Variants in IQSEC1 observed in about 807,000 individuals in gnomAD.
IQSEC1 encodes IQ motif and Sec7 domain ArfGEF 1.
Under a neutral mutation model 91.0 loss-of-function variants are expected in IQSEC1, and 31 were observed. That is an observed-to-expected ratio of 0.34 (90% confidence interval 0.26 to 0.46). The LOEUF (loss-of-function observed/expected upper bound fraction) is 0.46, where lower values mean the gene tolerates loss of function less well. IQSEC1 is among the 20% of genes least tolerant of loss of function. The pLI, the probability that IQSEC1 is intolerant of heterozygous loss-of-function variation, is 1.00. For synonymous variants in IQSEC1, 699 were observed against 662.6 expected, an observed-to-expected ratio of 1.05 and a Z score of -0.84; for missense variants, 1,388 against 1,575.6, an observed-to-expected ratio of 0.88 and a Z score of 2.02.
At chr3:13,115,745 T>C (rs905492669) in intron 2 of IQSEC1, among the ~76,000 whole-genome samples, 3 of 152,216 alleles carry the variant, frequency 2.0e-5, no homozygotes, top group Admixed American at 6.5e-5. Context: ...GGGCGCTGAA[T>C]GCACGCTAGC....
chr3:13,278,834 TG>T (rs369219000), intron 1 of IQSEC1, among the ~76,000 whole-genome samples: 125 of 94,198 alleles, frequency 1.3e-3, no homozygotes, highest in African/African-American at 3.8e-3. Flanking sequence ...AGGGGCAGGG[TG>T]GGGGGGGACA....
chr3:13,169,981 G>T (rs565106691), intron 1 of IQSEC1, among the ~76,000 whole-genome samples: 1 of 152,234 alleles, frequency 6.6e-6, no homozygotes, highest in Non-Finnish European at 1.5e-5. Context: ...ATGAGAAGCC[G>T]AATGTTAATC....
chr3:13,252,830 T>A (rs1695220803), intron 1 of IQSEC1, among the ~76,000 whole-genome samples: 1 of 152,174 alleles, frequency 6.6e-6, no homozygotes, highest in African/African-American at 2.4e-5. Context: ...CTTCCCGGGT[T>A]CACGCCATTC....
chr3:13,081,027 T>C (rs1705640388), intron 2 of IQSEC1, among the ~76,000 whole-genome samples: 1 of 152,258 alleles, frequency 6.6e-6, no homozygotes, highest in African/African-American at 2.4e-5. Context: ...GCAAGGTTTC[T>C]GCATACAGTG....
intron 1 of IQSEC1, among the ~76,000 whole-genome samples, chr3:12,948,512 T>G (rs1433052612): frequency 1.3e-5 from 2 of 152,206 alleles, no homozygotes; most frequent in Admixed American, 1.3e-4. Context: ...AGCCCAGACC[T>G]GTTGGATGCC....
intron 2 of IQSEC1, among the ~76,000 whole-genome samples, chr3:13,120,080 C>T (rs567340554): frequency 1.2e-3 from 180 of 152,338 alleles, no homozygotes; most frequent in Non-Finnish European, 2.1e-3. Context: ...TCACCTGGCA[C>T]AGGGACACCT....
intron 3 of IQSEC1, among the ~76,000 whole-genome samples, chr3:12,934,640 C>T (rs891263093): frequency 2.6e-4 from 40 of 152,280 alleles, no homozygotes; most frequent in Admixed American, 2.4e-3. Context: ...GTGGAAATAA[C>T]GAGAAATCTC....
At chr3:13,026,444 A>G (rs574917487) in intron 1 of IQSEC1, among the ~76,000 whole-genome samples, 1 of 152,260 alleles carries the variant, frequency 6.6e-6, no homozygotes, top group South Asian at 2.1e-4. Context: ...TAGGAAGCCA[A>G]TTTTCCATTG....
chr3:12,920,350 C>T, intron 6 of IQSEC1, 80 bp downstream of exon 6: 1 of 1,464,302 alleles, frequency 6.8e-7, no homozygotes, highest in South Asian at 1.2e-5. Flanking sequence ...TTGCCTCACG[C>T]CCCTTACATC....
At chr3:13,196,135 A>C (rs1270914524) in intron 1 of IQSEC1, among the ~76,000 whole-genome samples, 1 of 152,054 alleles carries the variant, frequency 6.6e-6, no homozygotes, top group Non-Finnish European at 1.5e-5. Flanking sequence ...TCACGCTTTG[A>C]ACCCAGCCAC....
chr3:12,943,340 C>T (rs555029028), intron 1 of IQSEC1, among the ~76,000 whole-genome samples: 5 of 152,336 alleles, frequency 3.3e-5, no homozygotes, highest in East Asian at 1.9e-4. Flanking sequence ...CATCCCGACT[C>T]GGAACTCGCA....
At chr3:13,252,020 G>T (rs915216166) in intron 1 of IQSEC1, among the ~76,000 whole-genome samples, 2 of 152,120 alleles carry the variant, frequency 1.3e-5, no homozygotes, top group East Asian at 3.9e-4. Flanking sequence ...GTTTTTCCCC[G>T]ATTTTTTATT....
At chr3:13,254,663 C>G (rs1275420297) in intron 1 of IQSEC1, among the ~76,000 whole-genome samples, 1 of 152,248 alleles carries the variant, frequency 6.6e-6, no homozygotes, top group Non-Finnish European at 1.5e-5. Flanking sequence ...ACACAGCTCC[C>G]TGGCGCTTCC....
chr3:13,034,670 C>T (rs970467780), intron 1 of IQSEC1, among the ~76,000 whole-genome samples: 8 of 152,290 alleles, frequency 5.3e-5, no homozygotes, highest in Middle Eastern at 3.4e-3. Context: ...CTAAACCAGC[C>T]GGATTCAGCT....
At chr3:13,057,621 G>A (rs1704923549) in intron 1 of IQSEC1, among the ~76,000 whole-genome samples, 1 of 152,244 alleles carries the variant, frequency 6.6e-6, no homozygotes, top group Non-Finnish European at 1.5e-5. Flanking sequence ...GACAGGAGAA[G>A]CACCTGGCAC....
In IQSEC1 at chr3:12,901,536, T is replaced by G. The variant is rs1225594205; in HGVS notation, c.2806-14A>C. 2.6e-6 allele frequency: 4 copies of G among 1,537,608 alleles called. No individual in the cohort carries two copies. In the Admixed American group the frequency reaches 8.4e-5, roughly 32 times the overall value. On this transcript the variant is annotated splice_polypyrimidine_tract_variant and intron_variant, in intron 13 of 13. Transcript: ENST00000613206. Reference sequence around the variant, plus strand: ...AATGATGGACCCCTAAAAAGGAAATTCATAGAAATCAAAATTAAAAGATCT... The same window carrying G: ...AATGATGGACCCCTAAAAAGGAAATGCATAGAAATCAAAATTAAAAGATCT...
chr3:13,068,008 G>C lies in IQSEC1; in HGVS notation c.23+4984C>G, dbSNP rs539630871. Among the ~76,000 whole-genome samples, 27 of 152,344 alleles carry C rather than the reference G, an allele frequency of 1.8e-4. No individual in the cohort carries two copies. The East Asian group carries it at 3.5e-3, about 20-fold the overall frequency. On this transcript the variant is annotated intron_variant, in intron 1 of 13. Transcript: ENST00000613206. ...GAGCTTGGGGCCCAGCCTGCTTGCT[G>C]GCCCGCAGGCAAACCCTGGAAGGGG...
chr3:13,021,433 C>A (rs1344214528), intron 1 of IQSEC1, among the ~76,000 whole-genome samples: 1 of 152,210 alleles, frequency 6.6e-6, no homozygotes, highest in Non-Finnish European at 1.5e-5. Context: ...TGACTGAATG[C>A]TGGCACCGCA....
rs76139947 is a variant in IQSEC1 at position 13,216,236 on chromosome 3, T to C, written c.273-52103A>G. ...GTTGCATATGTAATAACAGCACCCA[T>C]GCAGTGTGGGAAAATAGGCAGCCAA... On this transcript the variant is annotated intron_variant, in intron 1 of 15. Coordinates refer to the IQSEC1 transcript ENST00000648114. Among the ~76,000 whole-genome samples, 154 of 152,364 alleles carry C rather than the reference T, an allele frequency of 1.0e-3. 3 individuals are homozygous for C. In the East Asian group the frequency reaches 0.02, roughly 20 times the overall value.
Sources: allele counts gnomAD v4.1 joint callset (sites outside exome capture counted in the v4.1 genomes callset), GRCh38; gene constraint gnomAD v4.1.1; transcripts MANE v1.5; gene names NCBI Gene and HGNC (gene_info 2026-07-23, HGNC 2026-07-21).